BLTP3A: variants seen among roughly 807,000 people sequenced by gnomAD.
BLTP3A encodes ICBP90 binding protein 1.
chr6:34,843,800 G>GT, the BLTP3A span, among the ~76,000 whole-genome samples: 1 of 152,232 alleles, frequency 6.6e-6, no homozygotes, highest in African/African-American at 2.4e-5. Flanking sequence ...TCTATCTTTA[G>GT]TTTTTTGAAG....
chr6:34,859,471 C>T, the BLTP3A span: 15 of 1,614,040 alleles, frequency 9.3e-6, no homozygotes, highest in Non-Finnish European at 1.3e-5. Context: ...CACCATGGAC[C>T]TCACCAAGGA....
chr6:34,868,113 C>G, the BLTP3A span, among the ~76,000 whole-genome samples: 1 of 151,640 alleles, frequency 6.6e-6, no homozygotes, highest in South Asian at 2.1e-4. Flanking sequence ...TCGAGACCAG[C>G]CTGGCCAACA....
At chr6:34,826,612 C>T in the BLTP3A span, among the ~76,000 whole-genome samples, 1 of 152,140 alleles carries the variant, frequency 6.6e-6, no homozygotes, top group Non-Finnish European at 1.5e-5. Context: ...TCCGACTTGG[C>T]CTCTCAAAGT....
At chr6:34,869,239 C>T in the BLTP3A span, among the ~76,000 whole-genome samples, 2 of 151,990 alleles carry the variant, frequency 1.3e-5, no homozygotes, top group East Asian at 1.9e-4. Context: ...TGGCCTCAAG[C>T]GATCTGTCCA....
the BLTP3A span, among the ~76,000 whole-genome samples, chr6:34,848,961 T>C: frequency 1.3e-5 from 2 of 151,386 alleles, no homozygotes; most frequent in African/African-American, 4.8e-5. Context: ...TTTTTTTTTT[T>C]TTTTTTTTGG....
chr6:34,858,226 C>G, the BLTP3A span: 1 of 1,614,192 alleles, frequency 6.2e-7, no homozygotes, highest in East Asian at 2.2e-5. Context: ...ACGTCATGCT[C>G]CACATTGTAG....
At chr6:34,860,777 C>G in the BLTP3A span, among the ~76,000 whole-genome samples, 1 of 152,176 alleles carries the variant, frequency 6.6e-6, no homozygotes, top group Non-Finnish European at 1.5e-5. Context: ...GCCTGGACTT[C>G]TAATCACCCA....
chr6:34,802,455 T>C, the BLTP3A span, among the ~76,000 whole-genome samples: 3 of 151,530 alleles, frequency 2.0e-5, no homozygotes, highest in African/African-American at 7.3e-5. Flanking sequence ...CTGAAACCTC[T>C]GCCTCCCGGG....
the BLTP3A span, among the ~76,000 whole-genome samples, chr6:34,801,472 A>C: frequency 6.6e-6 from 1 of 152,016 alleles, no homozygotes; most frequent in African/African-American, 2.4e-5. Context: ...ATTGTATCTC[A>C]CCAAGGACTG....
the BLTP3A span, among the ~76,000 whole-genome samples, chr6:34,799,680 C>T: frequency 6.6e-6 from 1 of 152,156 alleles, no homozygotes; most frequent in Admixed American, 6.5e-5. Context: ...AATTTTGACT[C>T]TGCTACTTCT....
At chr6:34,823,424 T>C in the BLTP3A span, 2 of 1,266,840 alleles carry the variant, frequency 1.6e-6, no homozygotes, top group Non-Finnish European at 2.3e-6. Context: ...AATAAAAACT[T>C]TTTATTATGG....
At chr6:34,844,226 CCCA>C in the BLTP3A span, among the ~76,000 whole-genome samples, 1 of 152,066 alleles carries the variant, frequency 6.6e-6, no homozygotes, top group East Asian at 1.9e-4. Context: ...TTGTGATCCA[CCCA>C]CCTTGGCCTC....
chr6:34,871,235 T>C, the BLTP3A span: 1 of 1,244,562 alleles, frequency 8.0e-7, no homozygotes, highest in Non-Finnish European at 1.1e-6. Context: ...TAAAATATGG[T>C]GAGGATCAAG....
At chr6:34,795,281 A>G in the BLTP3A span, among the ~76,000 whole-genome samples, 19 of 150,280 alleles carry the variant, frequency 1.3e-4, 1 homozygote, top group Admixed American at 8.6e-4. Flanking sequence ...AAGTCTTGCT[A>G]TGTTGCCCAT....
chr6:34,825,307 CTTTTT>C, the BLTP3A span, among the ~76,000 whole-genome samples: 1 of 148,116 alleles, frequency 6.8e-6, no homozygotes, highest in Non-Finnish European at 1.5e-5. Flanking sequence ...TTTCTTTTTT[CTTTTT>C]TTTTTCTTTT....
chr6:34,807,696 G>A, the BLTP3A span, among the ~76,000 whole-genome samples: 2 of 152,328 alleles, frequency 1.3e-5, no homozygotes, highest in Admixed American at 1.3e-4. Context: ...TTTGTTGACA[G>A]TGTAAATCCA....
the BLTP3A span, among the ~76,000 whole-genome samples, chr6:34,824,153 C>G: frequency 6.6e-6 from 1 of 152,234 alleles, no homozygotes; most frequent in East Asian, 1.9e-4. Flanking sequence ...GTTGCCCAGG[C>G]TGGTTGTGAA....
the BLTP3A span, among the ~76,000 whole-genome samples, chr6:34,826,473 A>G: frequency 6.6e-6 from 1 of 150,852 alleles, no homozygotes; most frequent in Non-Finnish European, 1.5e-5. Context: ...ATTCTCCCAC[A>G]TCAGACTCCC....
the BLTP3A span, among the ~76,000 whole-genome samples, chr6:34,817,869 G>A: frequency 1.0e-5 from 1 of 96,834 alleles, no homozygotes; most frequent in Non-Finnish European, 2.1e-5. Context: ...TTTTTTTTTT[G>A]GGGGGGTGGA....
Sources: allele counts gnomAD v4.1 joint callset (sites outside exome capture counted in the v4.1 genomes callset), GRCh38; gene constraint gnomAD v4.1.1; transcripts MANE v1.5; gene names NCBI Gene and HGNC (gene_info 2026-07-23, HGNC 2026-07-21).